PLCL2: variants seen among roughly 807,000 people sequenced by gnomAD.
PLCL2 encodes the protein phospholipase C like 2, also known as inactive phospholipase C-like protein 2.
PLCL2 carries 4 observed loss-of-function variants against 79.6 expected under a neutral mutation model. The ratio of observed to expected loss-of-function variants is 0.05; its 90% confidence interval spans 0.02 to 0.11. The LOEUF (loss-of-function observed/expected upper bound fraction) is 0.11. Ranked by LOEUF, PLCL2 falls within the 10% of genes least tolerant of loss-of-function variation. PLCL2 has a pLI of 1.00. For missense variants in PLCL2, 895 were observed against 1,291.0 expected (o/e 0.69, Z 4.70); for synonymous variants, 484 against 457.7 (o/e 1.06, Z -0.73).
chr3:17,079,534 C>T (rs1236797944), intron 5 of PLCL2, among the ~76,000 whole-genome samples: 1 of 152,168 alleles, frequency 6.6e-6, no homozygotes, highest in Non-Finnish European at 1.5e-5. Flanking sequence ...TCCAGAGGTG[C>T]CATATGTTGG....
chr3:16,943,311 C>G (rs1029153912), intron 1 of PLCL2, among the ~76,000 whole-genome samples: 1 of 152,104 alleles, frequency 6.6e-6, no homozygotes, highest in Non-Finnish European at 1.5e-5. Context: ...GCTCTAAAAC[C>G]CTTCCATTGA....
At chr3:16,954,562 A>G (rs1393893075) in intron 1 of PLCL2, among the ~76,000 whole-genome samples, 1 of 152,142 alleles carries the variant, frequency 6.6e-6, no homozygotes, top group Non-Finnish European at 1.5e-5. Context: ...TGGCTGGGTC[A>G]AATGGTATTT....
chr3:16,955,210 G>A (rs1455123648), intron 1 of PLCL2, among the ~76,000 whole-genome samples: 2 of 152,192 alleles, frequency 1.3e-5, no homozygotes, highest in Admixed American at 6.5e-5. Flanking sequence ...TGTATAAGGT[G>A]TAAGGAAGGC....
chr3:16,998,439 A>G (rs749775994), intron 1 of PLCL2, among the ~76,000 whole-genome samples: 5 of 152,224 alleles, frequency 3.3e-5, no homozygotes, highest in Non-Finnish European at 7.3e-5. Context: ...AATGTGCTGA[A>G]TATGAAACTA....
chr3:16,983,731 C>T (rs2064022523), intron 1 of PLCL2, among the ~76,000 whole-genome samples: 1 of 152,114 alleles, frequency 6.6e-6, no homozygotes, highest in Non-Finnish European at 1.5e-5. Context: ...TAATAATGAC[C>T]AATTTAAAGT....
intron 1 of PLCL2, among the ~76,000 whole-genome samples, chr3:16,920,280 G>T (rs1171459614): frequency 2.0e-5 from 3 of 151,976 alleles, no homozygotes; most frequent in Non-Finnish European, 4.4e-5. Flanking sequence ...TTACTGATTT[G>T]AGTGGCTTTA....
rs546843817 is a variant in PLCL2 at position 16,887,514 on chromosome 3, G to T, written c.327+2148G>T. ...CACTTTGCATTTTCTTAAAACTTTC[G>T]AAAATTATGGAAGTAGTGTTGAAAG... On this transcript the variant is annotated intron_variant, in intron 1 of 5. Coordinates refer to ENST00000615277, the MANE Select transcript of PLCL2 (RefSeq NM_001144382.2). This position sits in a 1 kb window ranked among gnomAD's most constrained non-coding sequence, Gnocchi z 4.1. Among the ~76,000 whole-genome samples, 1 of 152,062 alleles carries T rather than the reference G, an allele frequency of 6.6e-6. No homozygotes were observed. Among genetic ancestry groups the T allele is most frequent in the African/African-American group, 2.4e-5 (1 of 41,402 alleles).
chr3:16,893,109 A>G (rs1288544166), intron 1 of PLCL2, among the ~76,000 whole-genome samples: 2 of 152,214 alleles, frequency 1.3e-5, no homozygotes, highest in Non-Finnish European at 2.9e-5. Context: ...TACCTAACCA[A>G]CATGAAGCCA....
intron 1 of PLCL2, among the ~76,000 whole-genome samples, chr3:16,955,410 A>G (rs1250505498): frequency 5.3e-5 from 8 of 152,194 alleles, no homozygotes; most frequent in Non-Finnish European, 1.0e-4. Context: ...TACCAGTACC[A>G]TGCTGTTTTG....
chr3:16,956,137 C>T (rs898045436), intron 1 of PLCL2, among the ~76,000 whole-genome samples: 2 of 152,070 alleles, frequency 1.3e-5, no homozygotes, highest in African/African-American at 4.8e-5. Flanking sequence ...CCAGTTTTTG[C>T]CCATTCAGTA....
intron 5 of PLCL2, among the ~76,000 whole-genome samples, chr3:17,087,632 A>C (rs2065233917): frequency 6.6e-6 from 1 of 152,188 alleles, no homozygotes; most frequent in Non-Finnish European, 1.5e-5. Flanking sequence ...ACCAAGGGTG[A>C]GCCCTAATTT....
At chr3:17,071,960 G>A (rs1005120437) in intron 5 of PLCL2, among the ~76,000 whole-genome samples, 2 of 151,914 alleles carry the variant, frequency 1.3e-5, no homozygotes, top group African/African-American at 4.8e-5. Flanking sequence ...CCAAATAGCT[G>A]GGACTATATG....
At chr3:16,988,148 G>A (rs1034053625) in intron 1 of PLCL2, among the ~76,000 whole-genome samples, 1 of 152,096 alleles carries the variant, frequency 6.6e-6, no homozygotes, top group African/African-American at 2.4e-5. Context: ...GAGTGTCTCC[G>A]CTCTGCACAA....
rs2064172238 is a variant in PLCL2 at position 16,998,093 on chromosome 3, A to G, written c.328-11581A>G. ...TAGCTTTGCCCCTGCATGCTGATGG[A>G]TCTCTAAGAAACTTTCCTTCTCACT... On this transcript the variant is annotated intron_variant, in intron 1 of 5. Coordinates refer to ENST00000615277, the MANE Select transcript of PLCL2 (RefSeq NM_001144382.2). Among the ~76,000 whole-genome samples, 2 of 152,146 alleles carry G rather than the reference A, an allele frequency of 1.3e-5. 1 individual carries two copies. The highest frequency in any genetic ancestry group is 3.8e-4 in the East Asian group (2 of 5,200).
intron 1 of PLCL2, among the ~76,000 whole-genome samples, chr3:16,937,123 A>G (rs1697559216): frequency 6.6e-6 from 1 of 152,182 alleles, no homozygotes; most frequent in Non-Finnish European, 1.5e-5. Flanking sequence ...CCTCAGGAGC[A>G]GATTATCCCT....
At chr3:16,895,049 T>G (rs1237817330) in intron 1 of PLCL2, among the ~76,000 whole-genome samples, 1 of 151,968 alleles carries the variant, frequency 6.6e-6, no homozygotes, top group African/African-American at 2.4e-5. Context: ...CATATATAGA[T>G]ATGTTGAAAC....
At chr3:16,918,147 C>A (rs1697040468) in intron 1 of PLCL2, among the ~76,000 whole-genome samples, 1 of 152,234 alleles carries the variant, frequency 6.6e-6, no homozygotes, top group East Asian at 1.9e-4. Flanking sequence ...ATCTGAGAAA[C>A]TAAAGTAAGG....
intron 1 of PLCL2, among the ~76,000 whole-genome samples, chr3:16,897,901 C>A (rs1451893723): frequency 6.6e-6 from 1 of 152,206 alleles, no homozygotes; most frequent in Non-Finnish European, 1.5e-5. Context: ...TTGTTTGTAA[C>A]CTTAGTTATG....
At chr3:16,954,990 G>C (rs978487179) in intron 1 of PLCL2, among the ~76,000 whole-genome samples, 1 of 152,200 alleles carries the variant, frequency 6.6e-6, no homozygotes, top group East Asian at 1.9e-4. Flanking sequence ...TGTTCACTCT[G>C]ATGGTAGTTT....
Sources: gnomAD v4.1 joint callset for allele counts (sites outside exome capture counted in the v4.1 genomes callset) on GRCh38, gnomAD v4.1.1 for gene constraint, Gnocchi (gnomAD v3.1) non-coding constraint, MANE v1.5 for transcripts, NCBI Gene and HGNC (gene_info 2026-07-23, HGNC 2026-07-21) for gene names.